The following MS4A7 variants were observed in gnomAD, a reference collection of about 807,000 sequenced individuals.
The protein encoded by MS4A7 is membrane-spanning 4-domains subfamily A member 7.
In MS4A7, 21 loss-of-function variants were observed where a neutral mutation model predicts 23.5. The ratio of observed to expected loss-of-function variants is 0.89; its 90% CI spans 0.63 to 1.29. MS4A7 has a LOEUF of 1.29. Ranked by LOEUF, MS4A7 falls within the 50% of genes most tolerant of loss-of-function variation. MS4A7 has a pLI of 0.00. For synonymous variants in MS4A7, 111 were observed against 107.4 expected, an observed-to-expected ratio of 1.03 and a Z score of -0.21; for missense variants, 263 against 274.2, an observed-to-expected ratio of 0.96 and a Z score of 0.29.
At chr11:60,381,377 A>AAAGT (rs1428647005) in intron 1 of MS4A7, among the ~76,000 whole-genome samples, 2 of 152,252 alleles carry the variant, frequency 1.3e-5, no homozygotes, top group Admixed American at 6.5e-5. Flanking sequence ...TTCTTCAGAT[A>AAAGT]AAGTATCTCA....
At chr11:60,392,662 G>GC in intron 5 of MS4A7, 23 bp from the exon 6 acceptor site, 1 of 1,593,260 alleles carries the variant, frequency 6.3e-7, no homozygotes, top group Non-Finnish European at 8.6e-7. Context: ...TTGGGTACCA[G>GC]CCATTCATGT....
At chr11:60,386,418 T>C in intron 3 of MS4A7, 1 of 324,456 alleles carries the variant, frequency 3.1e-6, no homozygotes, top group Non-Finnish European at 5.6e-6. Flanking sequence ...CCCTGTAATT[T>C]AGTAACACTC....
At chr11:60,385,325 C>A in intron 3 of MS4A7, 103 bp downstream of exon 3, 2 of 1,350,848 alleles carry the variant, frequency 1.5e-6, no homozygotes, top group Non-Finnish European at 2.1e-6. Context: ...AGGCAAAAGG[C>A]GGCAAGGCCT....
chr11:60,389,313 C>T, intron 4 of MS4A7, 77 bp from the exon 5 acceptor site: 1 of 1,161,306 alleles, frequency 8.6e-7, no homozygotes, highest in Non-Finnish European at 1.2e-6. Flanking sequence ...AGCACCATTG[C>T]AGTACAATGG....
intron 5 of MS4A7, among the ~76,000 whole-genome samples, chr11:60,390,876 T>C (rs563059989): frequency 2.6e-5 from 4 of 151,994 alleles, no homozygotes; most frequent in East Asian, 1.9e-4. Flanking sequence ...AAAAAATATA[T>C]AGCCAAAGTT....
chr11:60,383,103 T>G (rs2135094334), intron 1 of MS4A7, 26 bp from the exon 2 acceptor site: 7 of 1,606,946 alleles, frequency 4.4e-6, no homozygotes, highest in Non-Finnish European at 6.0e-6. Context: ...CCTTGGGAAG[T>G]AACTGAGTTT....
chr11:60,380,383 G>T (rs998013557), intron 1 of MS4A7, among the ~76,000 whole-genome samples: 1 of 152,214 alleles, frequency 6.6e-6, no homozygotes, highest in Non-Finnish European at 1.5e-5. Context: ...GCAGTTGAAA[G>T]TTAAGGAGCT....
At chr11:60,390,410 T>C (rs2085538468) in intron 5 of MS4A7, among the ~76,000 whole-genome samples, 1 of 152,182 alleles carries the variant, frequency 6.6e-6, no homozygotes, top group African/African-American at 2.4e-5. Context: ...TGAATCCTCC[T>C]AGTAGGAGCA....
chr11:60,386,677 C>T (rs2085492025), intron 3 of MS4A7, 40 bp from the exon 4 acceptor site: 1 of 1,547,156 alleles, frequency 6.5e-7, no homozygotes, highest in Admixed American at 1.8e-5. Context: ...CACATTTCCA[C>T]AAGACAACTG....
chr11:60,379,061 A>AT (rs2085400770), intron 1 of MS4A7, among the ~76,000 whole-genome samples: 1 of 152,212 alleles, frequency 6.6e-6, no homozygotes, highest in African/African-American at 2.4e-5. Context: ...CAAAGCACGG[A>AT]TTTTAGAGCT....
At chr11:60,393,671 T>C in intron 6 of MS4A7, 116 bp from the exon 7 acceptor site, 1 of 576,906 alleles carries the variant, frequency 1.7e-6, no homozygotes, top group South Asian at 3.1e-5. Flanking sequence ...TTACATATTA[T>C]GGCAAAGTTG....
In MS4A7 at chr11:60,386,779, T is replaced by C; in HGVS notation, c.339+6T>C. On this transcript the variant is annotated splice_donor_region_variant and intron_variant, in intron 4 of 6. Transcript: ENST00000300184. ...AACAATCAACTAAGCCCTTTGTAAG[T>C]ATAAGGACCATCAAATCTCAGCTGG... 1 of 1,604,406 alleles carries C rather than the reference T, an allele frequency of 6.2e-7. No homozygotes were observed. Among genetic ancestry groups the C allele is most frequent in the Non-Finnish European group, 8.5e-7 (1 of 1,173,176 alleles).
At chr11:60,385,249 G>T in intron 3 of MS4A7, 27 bp downstream of exon 3, 1 of 1,612,996 alleles carries the variant, frequency 6.2e-7, no homozygotes, top group Non-Finnish European at 8.5e-7. Context: ...CTCTAAGAGG[G>T]GACATGCTTT....
At chr11:60,386,639 A>T in intron 3 of MS4A7, 78 bp from the exon 4 acceptor site, 1 of 1,206,332 alleles carries the variant, frequency 8.3e-7, no homozygotes, top group Admixed American at 1.9e-5. Flanking sequence ...TCACTTTTTG[A>T]TTGAGTGATT....
chr11:60,392,581 C>G, intron 5 of MS4A7, 104 bp from the exon 6 acceptor site: 1 of 758,602 alleles, frequency 1.3e-6, no homozygotes, highest in Non-Finnish European at 2.2e-6. Flanking sequence ...TTTTCCCTGT[C>G]TCCTTTTCTC....
At chr11:60,387,470 A>G (rs895453853) in intron 4 of MS4A7, among the ~76,000 whole-genome samples, 1 of 152,180 alleles carries the variant, frequency 6.6e-6, no homozygotes, top group African/African-American at 2.4e-5. Context: ...TTCCCCTGTC[A>G]GAAGAGGGTG....
chr11:60,392,695 T>C lies in MS4A7; in HGVS notation c.557T>C (p.Val186Ala). 1 of 1,613,662 alleles carries C rather than the reference T, an allele frequency of 6.2e-7. No homozygotes were observed. The highest frequency in any genetic ancestry group is 8.5e-7 in the Non-Finnish European group (1 of 1,179,776). The change falls in exon 6 of 7, where the codon GTG becomes GCG. Residue 186 changes from valine (V) to alanine (A), a missense_variant. By Grantham distance (64) the Val-to-Ala change is moderately conservative. Coordinates refer to ENST00000300184, the MANE Select transcript of MS4A7 (RefSeq NM_021201.5). ...LTSVSLTGVL[V>A]VMLIFTVLEL... ...TGTCCTGATTTGCAGGGTGTCCTAG[T>C]GGTGATGCTCATCTTCACTGTGCTG...
chr11:60,383,156 C>T lies in MS4A7; in HGVS notation c.15C>T (p.Ser5=), dbSNP rs765573742. The change falls in exon 2 of 7, where the codon TCC becomes TCT. Residue 5 remains serine, a synonymous_variant. Coordinates refer to ENST00000300184, the MANE Select transcript of MS4A7 (RefSeq NM_021201.5). The part of the protein sequence containing the change: MLLQ[S]QTMGVSHSFT... ...TCATCAGCATCATGCTATTACAATC[C>T]CAAACCATGGGGGTTTCTCACAGCT... is the stretch of plus-strand genomic sequence containing the variant. 1.2e-6 allele frequency: 2 copies of T among 1,613,636 alleles called. No homozygotes were observed. Among genetic ancestry groups the T allele is most frequent in the Non-Finnish European group, 1.7e-6 (2 of 1,179,848 alleles).
chr11:60,386,916 C>A, intron 4 of MS4A7, 143 bp downstream of exon 4: 1 of 674,764 alleles, frequency 1.5e-6, no homozygotes, highest in Non-Finnish European at 2.4e-6. Flanking sequence ...TCCTGGCTGT[C>A]CCATTGGTAG....
Sources: allele counts gnomAD v4.1 joint callset (sites outside exome capture counted in the v4.1 genomes callset), GRCh38; gene constraint gnomAD v4.1.1; transcripts MANE v1.5; gene names NCBI Gene and HGNC (gene_info 2026-07-23, HGNC 2026-07-21).